Variants in CNTNAP2 observed in about 807,000 individuals in gnomAD.
CNTNAP2 encodes the protein contactin-associated protein-like 2.
CNTNAP2 carries 98 observed loss-of-function variants against 155.2 expected under a neutral mutation model. That is an observed-to-expected ratio of 0.63 (90% CI 0.54 to 0.75). The LOEUF is 0.75. CNTNAP2 is among the 30% of genes least tolerant of loss of function. The probability of loss-of-function intolerance (pLI) is 0.00; values close to 1 mark genes in which losing one functional copy is unlikely to be tolerated. For missense variants in CNTNAP2, 1,727 were observed against 1,688.1 expected (o/e 1.02, Z -0.40); for synonymous variants, 651 against 631.2 (o/e 1.03, Z -0.47).
chr7:148,367,240 T>A (rs1637865), intron 21 of CNTNAP2, among the ~76,000 whole-genome samples: 50,261 of 149,268 alleles, frequency 0.34, 8,740 homozygotes, highest in Non-Finnish European at 0.39. Context: ...AAAAAAAAAA[T>A]AAAAGAAAAG....
At chr7:146,461,301 A>C (rs1796632575) in intron 1 of CNTNAP2, among the ~76,000 whole-genome samples, 2 of 151,884 alleles carry the variant, frequency 1.3e-5, no homozygotes, top group Admixed American at 1.3e-4. Context: ...GTTACTCAGG[A>C]GGCTGAGGCA....
chr7:146,773,418 G>A (rs1001130272), intron 1 of CNTNAP2, among the ~76,000 whole-genome samples: 4 of 152,078 alleles, frequency 2.6e-5, no homozygotes, highest in East Asian at 1.9e-4. Flanking sequence ...TTTTTGAGAC[G>A]GAGTTTTGCT....
chr7:148,143,780 G>T (rs1172334397), intron 16 of CNTNAP2, among the ~76,000 whole-genome samples: 1 of 152,146 alleles, frequency 6.6e-6, no homozygotes, highest in East Asian at 1.9e-4. Context: ...CATTTGTGAG[G>T]CAGCTCCAGC....
chr7:147,478,295 G>A (rs1012853542), intron 10 of CNTNAP2, among the ~76,000 whole-genome samples: 6 of 152,118 alleles, frequency 3.9e-5, no homozygotes, highest in African/African-American at 1.4e-4. Flanking sequence ...TGGGACTACA[G>A]GCACCCACCA....
At chr7:146,413,092 T>C (rs1338844861) in intron 1 of CNTNAP2, among the ~76,000 whole-genome samples, 3 of 152,208 alleles carry the variant, frequency 2.0e-5, no homozygotes, top group African/African-American at 7.2e-5. Context: ...CTGTAAGTAA[T>C]GAAAAAGCAG....
At chr7:146,689,934 G>A (rs561910676) in intron 1 of CNTNAP2, among the ~76,000 whole-genome samples, 1 of 151,796 alleles carries the variant, frequency 6.6e-6, no homozygotes, top group African/African-American at 2.4e-5. Flanking sequence ...CAGACCCCCT[G>A]TAGGAAGAGG....
intron 21 of CNTNAP2, among the ~76,000 whole-genome samples, chr7:148,360,635 A>C (rs980985976): frequency 6.6e-6 from 1 of 152,170 alleles, no homozygotes; most frequent in Non-Finnish European, 1.5e-5. Context: ...CATGCTGTGG[A>C]GCCCCAAACT....
At chr7:147,071,140 T>G (rs975036931) in intron 4 of CNTNAP2, among the ~76,000 whole-genome samples, 1 of 152,204 alleles carries the variant, frequency 6.6e-6, no homozygotes, top group African/African-American at 2.4e-5. Flanking sequence ...CCCAGCCTTC[T>G]GACTGGTGCT....
At position 148,110,545 on chromosome 7, in the gene CNTNAP2, C is replaced by T. The variant is rs144994827; in HGVS notation, c.2384-7573C>T. Among the ~76,000 whole-genome samples the T allele has an allele frequency of 3.4e-3, 522 of 152,180 alleles. 3 individuals are homozygous for T. Among genetic ancestry groups the T allele is most frequent in the African/African-American group, 0.012 (482 of 41,514 alleles). On this transcript the variant is annotated intron_variant, in intron 15 of 23. Transcript: ENST00000361727. ...TCTGTTACCTCCTTCTCTTCATTCT[C>T]CACGAAAGAACTTCAGCACATCACA...
intron 12 of CNTNAP2, among the ~76,000 whole-genome samples, chr7:147,633,673 G>C (rs1482694649): frequency 6.6e-6 from 1 of 152,118 alleles, no homozygotes; most frequent in Non-Finnish European, 1.5e-5. Context: ...ACATCTTGTT[G>C]TTGTGATAAT....
intron 1 of CNTNAP2, among the ~76,000 whole-genome samples, chr7:146,628,063 C>A (rs1799449540): frequency 6.6e-6 from 1 of 152,072 alleles, no homozygotes; most frequent in African/African-American, 2.4e-5. Context: ...TTTAATAGTA[C>A]TAAATAGAAA....
intron 15 of CNTNAP2, among the ~76,000 whole-genome samples, chr7:148,116,294 G>A (rs1385214379): frequency 1.3e-5 from 2 of 152,132 alleles, no homozygotes; most frequent in Non-Finnish European, 2.9e-5. Flanking sequence ...GCCATTGGCT[G>A]AGACAGCTTC....
In CNTNAP2 at chr7:146,652,341, T is replaced by C. The variant is rs546979984; in HGVS notation, c.98-121930T>C. The stretch of plus-strand genomic sequence containing the variant: ...TTTTGGGAAATAGACCTACGACTGT[T>C]GGTTCTCTGATTATCTCACTGTGGG... On this transcript the variant is annotated intron_variant, in intron 1 of 23. Transcript: ENST00000361727. 5.3e-5 allele frequency among the ~76,000 whole-genome samples: 8 copies of C among 152,292 alleles called. No homozygotes were observed. The East Asian group carries it at 1.5e-3, about 29-fold the overall frequency.
chr7:146,554,154 C>T (rs986138354), intron 1 of CNTNAP2, among the ~76,000 whole-genome samples: 1 of 152,086 alleles, frequency 6.6e-6, no homozygotes, highest in Non-Finnish European at 1.5e-5. Context: ...ACAACTGGAG[C>T]CTTGCTGGAA....
chr7:146,286,110 A>G (rs967614125), intron 1 of CNTNAP2, among the ~76,000 whole-genome samples: 5 of 141,936 alleles, frequency 3.5e-5, no homozygotes, highest in Admixed American at 1.4e-4. Flanking sequence ...TTCATGGGCA[A>G]TCGAATTTCT....
At chr7:147,471,959 C>A (rs1401498614) in intron 10 of CNTNAP2, among the ~76,000 whole-genome samples, 2 of 152,060 alleles carry the variant, frequency 1.3e-5, no homozygotes, top group African/African-American at 2.4e-5. Context: ...AAATACAGAT[C>A]TTTTTGTAAA....
intron 1 of CNTNAP2, among the ~76,000 whole-genome samples, chr7:146,166,921 A>T (rs1268984237): frequency 1.3e-5 from 2 of 152,206 alleles, no homozygotes; most frequent in African/African-American, 4.8e-5. Context: ...GTAAGAAATT[A>T]AAAAAGAAGT....
At chr7:147,737,379 T>C (rs1796870785) in intron 13 of CNTNAP2, among the ~76,000 whole-genome samples, 2 of 152,282 alleles carry the variant, frequency 1.3e-5, no homozygotes, top group South Asian at 4.1e-4. Flanking sequence ...ATCGTTCCTC[T>C]GGAAGTTTCA....
chr7:147,681,858 G>A (rs934723685), intron 13 of CNTNAP2, among the ~76,000 whole-genome samples: 1 of 151,700 alleles, frequency 6.6e-6, no homozygotes, highest in South Asian at 2.1e-4. Flanking sequence ...GGCATATATG[G>A]GACTTAGTGC....
Sources: allele counts gnomAD v4.1 joint callset (sites outside exome capture counted in the v4.1 genomes callset), GRCh38; gene constraint gnomAD v4.1.1; transcripts MANE v1.5; gene names NCBI Gene and HGNC (gene_info 2026-07-23, HGNC 2026-07-21).